Variants in ATP7A observed in about 807,000 individuals in gnomAD.
ATP7A encodes ATPase copper transporting alpha.
In ATP7A, 7 loss-of-function variants were observed where a neutral mutation model predicts 83.5. The ratio of observed to expected loss-of-function variants is 0.08; its 90% CI spans 0.05 to 0.16. ATP7A has a LOEUF of 0.16. Among genes scored for constraint, ATP7A ranks in the 10% least tolerant of loss-of-function variants. The pLI is 1.00. For missense variants in ATP7A, 940 were observed against 1,120.8 expected (o/e 0.84, Z 2.30); for synonymous variants, 354 against 395.2 (o/e 0.90, Z 1.24).
chrX:78,020,213 C>T (rs782304991), intron 12 of ATP7A, 31 bp from the exon 13 acceptor site: 3 of 1,193,437 alleles, frequency 2.5e-6, no homozygotes, highest in Non-Finnish European at 3.4e-6. Flanking sequence ...ATCATTTATG[C>T]TCCTTAAATC....
chrX:78,037,931 C>G (rs1366596351), intron 17 of ATP7A, among the ~76,000 whole-genome samples: 1 of 93,897 alleles, frequency 1.1e-5, no homozygotes, highest in Non-Finnish European at 2.0e-5. Context: ...TTGCTATGTA[C>G]AGAAGCAGAT....
intron 1 of ATP7A, 125 bp from the exon 2 acceptor site, chrX:77,971,496 A>C: frequency 1.4e-6 from 1 of 712,892 alleles, no homozygotes; most frequent in Non-Finnish European, 2.2e-6. Context: ...AGCACATTTT[A>C]ATTTTTTAAA....
intron 1 of ATP7A, among the ~76,000 whole-genome samples, chrX:77,931,064 G>A (rs1489002200): frequency 4.9e-5 from 5 of 102,528 alleles, no homozygotes; most frequent in African/African-American, 1.8e-4. Flanking sequence ...CTCGCAGAGG[G>A]GGATTTGGCA....
intron 15 of ATP7A, 22 bp from the exon 16 acceptor site, chrX:78,031,359 GTGGAGGATCATCAAGTCAT>G (rs1336475830): frequency 7.0e-6 from 8 of 1,138,563 alleles, no homozygotes; most frequent in Non-Finnish European, 9.6e-6. Flanking sequence ...GAAAGGTGAT[GTGGAGGATCATCAAGTCAT>G]TGTATCTTAA....
At chrX:77,949,606 G>A (rs2077402471) in intron 1 of ATP7A, among the ~76,000 whole-genome samples, 1 of 111,995 alleles carries the variant, frequency 8.9e-6, no homozygotes, top group South Asian at 3.7e-4. Flanking sequence ...ATTTCTATAT[G>A]CCAACAATTC....
intron 1 of ATP7A, among the ~76,000 whole-genome samples, chrX:77,956,784 T>TTTCTTTCTTTCTTTCTTTCTTTCTTTCG (rs1569549170): frequency 2.9e-5 from 3 of 102,150 alleles, no homozygotes; most frequent in African/African-American, 7.2e-5. Flanking sequence ...TCTTTCTTTC[T>TTTCTTTCTTTCTTTCTTTCTTTCTTTCG]TTCTCTTTCT....
At chrX:77,926,640 A>G (rs782741316) in intron 1 of ATP7A, among the ~76,000 whole-genome samples, 1 of 111,578 alleles carries the variant, frequency 9.0e-6, no homozygotes, top group African/African-American at 3.3e-5. Context: ...CCCAGTCAAT[A>G]TTTAGATATC....
At chrX:77,928,117 A>ACCT in intron 1 of ATP7A, among the ~76,000 whole-genome samples, 1 of 110,121 alleles carries the variant, frequency 9.1e-6, no homozygotes, top group East Asian at 2.8e-4. Context: ...ATGCACCACC[A>ACCT]CACCCGGCTA....
At position 77,986,060 on chromosome X, in the gene ATP7A, G is replaced by C. The variant is rs1028674490; in HGVS notation, c.121-2182G>C. Among the ~76,000 whole-genome samples the C allele has an allele frequency of 3.6e-5, 4 of 111,483 alleles. No individual in the cohort carries two copies. The East Asian group carries it at 8.4e-4, about 23-fold the overall frequency. On this transcript the variant is annotated intron_variant, in intron 2 of 22. Transcript: ENST00000341514. ...TATATGTCTCAACTATACGTGGTTTGACTATTCTGCATTTTTTTTTCATGG... is the reference window on the plus strand; with the variant it reads ...TATATGTCTCAACTATACGTGGTTTCACTATTCTGCATTTTTTTTTCATGG...
chrX:77,915,425 G>A (rs141736764), intron 1 of ATP7A, among the ~76,000 whole-genome samples: 209 of 110,368 alleles, frequency 1.9e-3, no homozygotes, highest in African/African-American at 6.2e-3. Flanking sequence ...ATGACCCTGC[G>A]CAGATTTCAT....
intron 8 of ATP7A, 88 bp from the exon 9 acceptor site, chrX:78,011,361 C>T (rs997047827): frequency 3.9e-6 from 4 of 1,037,355 alleles, no homozygotes; most frequent in African/African-American, 3.7e-5. Context: ...GAAATGGTCA[C>T]AATGTATATC....
intron 2 of ATP7A, among the ~76,000 whole-genome samples, chrX:77,985,750 G>A (rs1557231327): frequency 9.0e-6 from 1 of 110,498 alleles, no homozygotes; most frequent in South Asian, 3.8e-4. Context: ...CACATGTATA[G>A]ATTTGTTTAA....
chrX:77,950,819 C>T (rs934698788), intron 1 of ATP7A, among the ~76,000 whole-genome samples: 1 of 110,514 alleles, frequency 9.0e-6, no homozygotes, highest in Non-Finnish European at 1.9e-5. Context: ...GTCAGGAGAT[C>T]GAGACCATCC....
In ATP7A at chrX:77,989,912, G is replaced by A. The variant is rs143036870; in HGVS notation, c.1290G>A (p.Thr430=). Residue 430 remains threonine (T), a synonymous_variant, in exon 4 of 23, where the codon ACG becomes ACA. Coordinates refer to ENST00000341514, the MANE Select transcript of ATP7A (RefSeq NM_000052.7). ...ATCCTCTACTAACCTCTCCAGAAAC[G>A]TTGAGAGGAGCAATAGAAGACATGG... The part of the protein sequence containing the change: ...EYDPLLTSPE[T]LRGAIEDMGF... The A allele has an allele frequency of 5.0e-6, 6 of 1,210,476 alleles. No homozygotes were observed. The highest frequency in any genetic ancestry group is 1.7e-5 in the African/African-American group (1 of 57,803).
intron 1 of ATP7A, among the ~76,000 whole-genome samples, chrX:77,939,115 G>A (rs1235512877): frequency 9.0e-6 from 1 of 111,015 alleles, no homozygotes; most frequent in Admixed American, 9.7e-5. Flanking sequence ...GGCCAACATG[G>A]CAAAACCCTG....
intron 1 of ATP7A, among the ~76,000 whole-genome samples, chrX:77,931,592 G>A (rs1310101760): frequency 3.6e-5 from 4 of 110,837 alleles, no homozygotes; most frequent in East Asian, 2.9e-4. Flanking sequence ...AGGGGCGGCC[G>A]GGCAGAGGCG....
intron 7 of ATP7A, 146 bp downstream of exon 7, chrX:78,009,409 T>C (rs2077801778): frequency 2.8e-6 from 2 of 711,797 alleles, no homozygotes; most frequent in East Asian, 3.3e-5. Flanking sequence ...CAAAATTTAA[T>C]GTAAACGTGT....
chrX:77,957,915 T>A (rs1359533945), intron 1 of ATP7A, among the ~76,000 whole-genome samples: 1 of 111,287 alleles, frequency 9.0e-6, no homozygotes, highest in Non-Finnish European at 1.9e-5. Context: ...ATGGTTTGGA[T>A]GTTTGTCCTT....
chrX:77,995,253 G>A (rs2077695269), intron 4 of ATP7A, among the ~76,000 whole-genome samples: 1 of 111,490 alleles, frequency 9.0e-6, no homozygotes, highest in Non-Finnish European at 1.9e-5. Context: ...AGTCCTAGGT[G>A]AGCTATAAAT....
Sources: allele counts gnomAD v4.1 joint callset (sites outside exome capture counted in the v4.1 genomes callset), GRCh38; gene constraint gnomAD v4.1.1; transcripts MANE v1.5; gene names NCBI Gene and HGNC (gene_info 2026-07-23, HGNC 2026-07-21).